The following SYT14 variants were observed in gnomAD, a reference collection of about 807,000 sequenced individuals.
SYT14 encodes synaptotagmin 14.
Under a neutral mutation model 74.2 loss-of-function variants are expected in SYT14, and 32 were observed. The observed-to-expected ratio is 0.43, with a 90% CI of 0.33 to 0.58. SYT14 has a LOEUF of 0.58. Among genes scored for constraint, SYT14 ranks in the 20% least tolerant of loss-of-function variants. SYT14 has a pLI of 0.05. For synonymous variants in SYT14, 298 were observed against 337.7 expected, an observed-to-expected ratio of 0.88 and a Z score of 1.29; for missense variants, 791 against 981.8, an observed-to-expected ratio of 0.81 and a Z score of 2.60.
chr1:210,166,569 G>A (rs7519328), exon 10 of SYT14: 56,150 of 151,664 alleles, frequency 0.37, 14,617 homozygotes, highest in African/African-American at 0.71. Context: ...TGTAGAAAGG[G>A]AGGAAGAAAG....
At chr1:210,084,572 G>A (rs184393297) in intron 5 of SYT14, among the ~76,000 whole-genome samples, 33 of 152,288 alleles carry the variant, frequency 2.2e-4, no homozygotes, top group African/African-American at 7.9e-4. Context: ...GAATATTGAG[G>A]CAGCCAAGGT....
chr1:210,106,409 G>A (rs772137768), intron 7 of SYT14, among the ~76,000 whole-genome samples: 2 of 152,086 alleles, frequency 1.3e-5, no homozygotes, highest in Non-Finnish European at 2.9e-5. Context: ...GTATTAGTCT[G>A]TTCTCATGAT....
chr1:209,960,817 T>C (rs1056088896), intron 2 of SYT14, among the ~76,000 whole-genome samples: 1 of 152,196 alleles, frequency 6.6e-6, no homozygotes, highest in Non-Finnish European at 1.5e-5. Context: ...CCTATATCTG[T>C]TCAATTCTGA....
chr1:210,091,096 G>A (rs554138253), intron 5 of SYT14, among the ~76,000 whole-genome samples: 1 of 152,192 alleles, frequency 6.6e-6, no homozygotes, highest in East Asian at 1.9e-4. Context: ...TACCCATTGA[G>A]CCCACTTAAC....
At chr1:210,123,577 T>C (rs549939682) in intron 7 of SYT14, among the ~76,000 whole-genome samples, 43 of 152,202 alleles carry the variant, frequency 2.8e-4, no homozygotes, top group Non-Finnish European at 5.6e-4. Context: ...ATAAGTTTCT[T>C]CTCTGGAAAA....
intron 2 of SYT14, among the ~76,000 whole-genome samples, chr1:210,000,186 T>G (rs1423249964): frequency 6.6e-6 from 1 of 152,210 alleles, no homozygotes; most frequent in African/African-American, 2.4e-5. Context: ...CCTATTTTAG[T>G]GTACAGTATT....
At chr1:209,971,937 C>A (rs2079262979) in intron 2 of SYT14, among the ~76,000 whole-genome samples, 1 of 152,158 alleles carries the variant, frequency 6.6e-6, no homozygotes, top group South Asian at 2.1e-4. Context: ...CCTTGTTTTT[C>A]TGGAATACAT....
At chr1:209,956,258 G>A (rs984735642) in intron 2 of SYT14, among the ~76,000 whole-genome samples, 1 of 143,588 alleles carries the variant, frequency 7.0e-6, no homozygotes, top group Non-Finnish European at 1.5e-5. Context: ...TCAAGGTACT[G>A]TTAGCTGCTG....
At chr1:210,132,557 A>G (rs2082696654) in intron 7 of SYT14, among the ~76,000 whole-genome samples, 1 of 115,014 alleles carries the variant, frequency 8.7e-6, no homozygotes, top group Non-Finnish European at 1.9e-5. Flanking sequence ...GATGATGATG[A>G]TTTTATATAT....
chr1:210,015,995 A>C, exon 4 of SYT14: 1 of 1,232,052 alleles, frequency 8.1e-7, no homozygotes, highest in Non-Finnish European at 1.0e-6. Context: ...AGGAACAAGG[A>C]ATTAGAAAAT....
At chr1:210,093,066 C>T (rs1330242424) in intron 5 of SYT14, among the ~76,000 whole-genome samples, 2 of 151,884 alleles carry the variant, frequency 1.3e-5, no homozygotes, top group Admixed American at 6.6e-5. Flanking sequence ...TGAGAGATGA[C>T]TCTGTGGTTA....
At chr1:210,034,170 G>A (rs188674311) in intron 5 of SYT14, among the ~76,000 whole-genome samples, 61 of 151,772 alleles carry the variant, frequency 4.0e-4, no homozygotes, top group African/African-American at 1.4e-3. Context: ...TTGAAGATGA[G>A]GAAACTGAAG....
intron 4 of SYT14, chr1:210,017,158 A>G: frequency 8.8e-7 from 1 of 1,141,474 alleles, no homozygotes; most frequent in Non-Finnish European, 1.1e-6. Flanking sequence ...TTTTTAAATT[A>G]GTAAAACATC....
chr1:210,153,758 A>T (rs1161045388), intron 7 of SYT14, among the ~76,000 whole-genome samples: 1 of 152,214 alleles, frequency 6.6e-6, no homozygotes, highest in Non-Finnish European at 1.5e-5. Context: ...TAGTAAGGCT[A>T]GGATCTTCAC....
At chr1:210,034,490 T>TAGATATATTGCA (rs1466405215) in intron 5 of SYT14, among the ~76,000 whole-genome samples, 1 of 151,704 alleles carries the variant, frequency 6.6e-6, no homozygotes, top group Non-Finnish European at 1.5e-5. Context: ...TGTTGTTGCA[T>TAGATATATTGCA]AGATATATTG....
intron 8 of SYT14, chr1:210,156,838 A>C (rs1157484537): frequency 5.7e-6 from 2 of 348,420 alleles, no homozygotes; most frequent in Admixed American, 2.6e-5. Context: ...GACTACAGGC[A>C]CCCACCACCA....
At chr1:210,137,765 C>G (rs2082820286) in intron 7 of SYT14, among the ~76,000 whole-genome samples, 1 of 151,220 alleles carries the variant, frequency 6.6e-6, no homozygotes, top group Non-Finnish European at 1.5e-5. Flanking sequence ...ACTGCAACCT[C>G]CGCCTCCTGG....
chr1:209,944,727 T>C (rs1026912519), intron 1 of SYT14, among the ~76,000 whole-genome samples: 3 of 151,818 alleles, frequency 2.0e-5, no homozygotes, highest in Non-Finnish European at 2.9e-5. Flanking sequence ...TCCCAGAGGG[T>C]TGGAGGCCTG....
chr1:210,005,100 A>G (rs1290949095), intron 2 of SYT14, among the ~76,000 whole-genome samples: 2 of 152,124 alleles, frequency 1.3e-5, no homozygotes, highest in East Asian at 3.9e-4. Context: ...TTGATTGCCT[A>G]TGTATGTGTT....
Sources: allele counts gnomAD v4.1 joint callset (sites outside exome capture counted in the v4.1 genomes callset), GRCh38; gene constraint gnomAD v4.1.1; transcripts MANE v1.5; gene names NCBI Gene and HGNC (gene_info 2026-07-23, HGNC 2026-07-21).